NEXN: variants seen among roughly 807,000 people sequenced by gnomAD.
The protein encoded by NEXN is nexilin.
A neutral mutation model predicts 92.6 loss-of-function variants in NEXN; 65 were observed. The ratio of observed to expected loss-of-function variants is 0.70; its 90% CI spans 0.57 to 0.86. NEXN has a LOEUF of 0.86. Among genes scored for constraint, NEXN ranks in the 40% least tolerant of loss-of-function variants. The pLI is 0.00. For synonymous variants in NEXN, 254 were observed against 242.5 expected (o/e 1.05, Z -0.44); for missense variants, 778 against 771.1 (o/e 1.01, Z -0.11).
At chr1:77,908,309 A>C (rs1648288652) in intron 1 of NEXN, among the ~76,000 whole-genome samples, 1 of 151,840 alleles carries the variant, frequency 6.6e-6, no homozygotes, top group Non-Finnish European at 1.5e-5. Flanking sequence ...CTCTGGGCTC[A>C]AGCGATTCTC....
At chr1:77,917,233 G>T (rs1649048736) in intron 2 of NEXN, among the ~76,000 whole-genome samples, 1 of 152,162 alleles carries the variant, frequency 6.6e-6, no homozygotes, top group East Asian at 1.9e-4. Context: ...AATGGAGTTA[G>T]ACAATAAAAG....
chr1:77,929,222 T>A (rs1650098844), intron 8 of NEXN, 94 bp from the exon 9 acceptor site: 8 of 846,880 alleles, frequency 9.4e-6, no homozygotes, highest in Non-Finnish European at 1.6e-5. Context: ...GAAACTCCTG[T>A]GTGATAGTGG....
chr1:77,918,271 C>T lies in NEXN; in HGVS notation c.445C>T (p.Gln149Ter). The T allele has an allele frequency of 6.2e-7, 1 of 1,613,996 alleles. No individual in the cohort carries two copies. The highest frequency in any genetic ancestry group is 8.5e-7 in the Non-Finnish European group (1 of 1,179,914). Residue 149 changes from glutamine to a stop codon, truncating the protein, a stop_gained and splice_region_variant, in exon 5 of 13, where the codon CAG (glutamine) becomes TAG (stop). Transcript: ENST00000334785. LOFTEE classifies it high-confidence loss of function. ...GCGTGAATTAGCAAAAAGGGCTGAA[C>T]AGGTATCACTGAAGATTAAGTTCGT... ...IQRELAKRAE[Q>*]IEDINNTGTE...
intron 1 of NEXN, among the ~76,000 whole-genome samples, chr1:77,910,367 G>A (rs755463207): frequency 6.6e-6 from 1 of 152,028 alleles, no homozygotes; most frequent in Non-Finnish European, 1.5e-5. Flanking sequence ...CATCCAGACT[G>A]GAAAGGAAAA....
intron 1 of NEXN, among the ~76,000 whole-genome samples, chr1:77,889,722 T>A (rs1461508798): frequency 6.6e-6 from 1 of 152,172 alleles, no homozygotes; most frequent in African/African-American, 2.4e-5. Context: ...CAAAATGTCC[T>A]TGGTGAAGAC....
Position 77,926,747 on chromosome 1 carries a change from A to C in NEXN, c.719A>C (p.Glu240Ala), listed in dbSNP as rs1232063684. The change falls in exon 8 of 13, where the codon GAA becomes GCA. Residue 240 changes from glutamate to alanine, a missense_variant. Around this residue, in one of 3 missense-constraint regions of NEXN, gnomAD observed 10 missense variants for 28.8 expected, o/e 0.35. Coordinates refer to ENST00000334785, the MANE Select transcript of NEXN (RefSeq NM_144573.4). ...GAAATAGAAAGTGAAGCAAAAAAAG[A>C]ATCACTTTCTCCCGGAAAATTGAAA... ...DDEIESEAKK[E>A]SLSPGKLKLT... 2 of 1,613,864 alleles carry C rather than the reference A, an allele frequency of 1.2e-6. No homozygotes were observed. Among genetic ancestry groups the C allele is most frequent in the South Asian group, 1.1e-5 (1 of 91,014 alleles).
At position 77,927,272 on chromosome 1, in the gene NEXN, CA is replaced by C. The variant is rs879296489; in HGVS notation, c.864+391del. Among the ~76,000 whole-genome samples, 139 of 144,826 alleles carry C rather than the reference CA, an allele frequency of 9.6e-4. 1 individual carries two copies. Among genetic ancestry groups the C allele is most frequent in the South Asian group, 2.8e-3 (13 of 4,570 alleles). On this transcript the variant is annotated intron_variant, in intron 8 of 12. Transcript: ENST00000334785. ...CCTGGGTAACAGAATGAGACTGTCT[CA>C]AAAAAAAAAATCCATACTGTTTTCC...
chr1:77,906,825 T>G (rs1367139081), intron 1 of NEXN, among the ~76,000 whole-genome samples: 2 of 152,050 alleles, frequency 1.3e-5, no homozygotes, highest in Non-Finnish European at 2.9e-5. Flanking sequence ...CAGATTAATT[T>G]TTTTTTAAAT....
intron 11 of NEXN, chr1:77,941,727 C>T: frequency 7.3e-6 from 3 of 408,862 alleles, no homozygotes; most frequent in Non-Finnish European, 1.4e-5. Flanking sequence ...TGACCTTTTT[C>T]AGTTAAGTGC....
At chr1:77,890,939 A>G (rs1414809693) in intron 1 of NEXN, among the ~76,000 whole-genome samples, 1 of 152,188 alleles carries the variant, frequency 6.6e-6, no homozygotes, top group Non-Finnish European at 1.5e-5. Flanking sequence ...ATTTGGAGAG[A>G]AAATGATTTA....
At chr1:77,924,223 G>A (rs1649670949) in intron 5 of NEXN, 2 of 168,070 alleles carry the variant, frequency 1.2e-5, no homozygotes, top group South Asian at 1.2e-4. Context: ...TTAGCCAGGC[G>A]TGATGGTGCA....
intron 1 of NEXN, among the ~76,000 whole-genome samples, chr1:77,904,795 A>G (rs1371554826): frequency 6.6e-6 from 1 of 152,150 alleles, no homozygotes; most frequent in Non-Finnish European, 1.5e-5. Context: ...TTAGAACCTT[A>G]CCTGTGTTTG....
chr1:77,915,072 T>C (rs1360313825), intron 1 of NEXN, among the ~76,000 whole-genome samples: 1 of 151,966 alleles, frequency 6.6e-6, no homozygotes, highest in Non-Finnish European at 1.5e-5. Context: ...CTAGCACTTC[T>C]GGAGGCCAAG....
chr1:77,943,253 A>G lies in NEXN; in HGVS notation c.*424A>G, dbSNP rs1651557341. ...AAACAAAAACAAAAAAAAAACACAC[A>G]AACCTAAGTAGAATACATTATTTTG... On this transcript the variant is annotated 3_prime_UTR_variant, in exon 13 of 13. Transcript: ENST00000334785. 1 of 225,768 alleles carries G rather than the reference A, an allele frequency of 4.4e-6. No individual in the cohort carries two copies. The highest frequency in any genetic ancestry group is 8.9e-6 in the Non-Finnish European group (1 of 112,160). 14.0% of individuals were successfully genotyped at this position (225,768 alleles called of 1,614,324 possible). A position where few individuals can be genotyped will look rare whatever the true frequency, so the allele number is the denominator to read the frequency against.
chr1:77,938,492 T>C (rs973261443), intron 11 of NEXN, among the ~76,000 whole-genome samples: 2 of 147,504 alleles, frequency 1.4e-5, no homozygotes, highest in Non-Finnish European at 3.0e-5. Flanking sequence ...CTACTAAAAA[T>C]ACAAAAATTA....
At position 77,935,416 on chromosome 1, in the gene NEXN, G is replaced by A. The variant is rs374461406; in HGVS notation, c.1252-407G>A. Among the ~76,000 whole-genome samples, 10 of 152,172 alleles carry A rather than the reference G, an allele frequency of 6.6e-5. No homozygotes were observed. In the East Asian group the frequency reaches 1.2e-3, roughly 18 times the overall value. On this transcript the variant is annotated intron_variant, in intron 10 of 12. Transcript: ENST00000334785. Reference sequence around the variant, plus strand: ...TCCTACAAAAAGCTAATCTTGTCATGAATATTTTAGTTTTAGCAAGTTATC... The same window carrying A: ...TCCTACAAAAAGCTAATCTTGTCATAAATATTTTAGTTTTAGCAAGTTATC...
intron 1 of NEXN, among the ~76,000 whole-genome samples, chr1:77,893,285 C>T (rs1282794447): frequency 6.6e-6 from 1 of 152,062 alleles, no homozygotes; most frequent in African/African-American, 2.4e-5. Flanking sequence ...ATTCCACTGA[C>T]ATGTTTGGAG....
intron 2 of NEXN, 26 bp from the exon 3 acceptor site, chr1:77,917,540 C>CT (rs761631804): frequency 1.4e-5 from 22 of 1,560,318 alleles, no homozygotes; most frequent in East Asian, 1.1e-4. Flanking sequence ...CGTTAACTTT[C>CT]TTTTTTTTAT....
chr1:77,941,965 A>G (rs778002426), intron 11 of NEXN, 58 bp from the exon 12 acceptor site: 38 of 1,526,978 alleles, frequency 2.5e-5, no homozygotes, highest in Non-Finnish European at 3.2e-5. Flanking sequence ...TAGAACTAGT[A>G]ACGCTTCTTT....
Sources: gnomAD v4.1 joint callset for allele counts (sites outside exome capture counted in the v4.1 genomes callset) on GRCh38, gnomAD v4.1.1 for gene constraint, gnomAD v4.1.1 regional missense constraint, MANE v1.5 for transcripts, NCBI Gene and HGNC (gene_info 2026-07-23, HGNC 2026-07-21) for gene names.